The following FHIT variants were observed in gnomAD, a reference collection of about 807,000 sequenced individuals.
FHIT encodes fragile histidine triad diadenosine triphosphatase.
A neutral mutation model predicts 17.9 loss-of-function variants in FHIT; 19 were observed. That is an observed-to-expected ratio of 1.06 (90% CI 0.74 to 1.56). The LOEUF (loss-of-function observed/expected upper bound fraction) is 1.56, where lower values mean the gene tolerates loss of function less well. Among genes scored for constraint, FHIT ranks in the 40% most tolerant of loss-of-function variants. The pLI is 0.00. For synonymous variants in FHIT, 81 were observed against 69.7 expected (o/e 1.16, Z -0.81); for missense variants, 248 against 189.2 (o/e 1.31, Z -1.82).
At chr3:60,725,673 A>G (rs1292511717) in intron 4 of FHIT, among the ~76,000 whole-genome samples, 1 of 151,978 alleles carries the variant, frequency 6.6e-6, no homozygotes, top group East Asian at 1.9e-4. Flanking sequence ...CTTTTTTTCT[A>G]TTTTCAGAAT....
chr3:60,425,664 T>C (rs1443731804), intron 5 of FHIT, among the ~76,000 whole-genome samples: 2 of 152,136 alleles, frequency 1.3e-5, no homozygotes, highest in Non-Finnish European at 2.9e-5. Flanking sequence ...TGAAAAATTT[T>C]ATAAAGCAAG....
At chr3:61,176,230 T>C (rs866709198) in intron 2 of FHIT, among the ~76,000 whole-genome samples, 5 of 152,246 alleles carry the variant, frequency 3.3e-5, no homozygotes, top group East Asian at 1.9e-4. Flanking sequence ...ACAACTGATA[T>C]GCTTGGATCC....
intron 4 of FHIT, among the ~76,000 whole-genome samples, chr3:60,694,938 G>T (rs2041081069): frequency 6.6e-6 from 1 of 152,072 alleles, no homozygotes; most frequent in African/African-American, 2.4e-5. Flanking sequence ...GGGAGGGATA[G>T]CATTAGGAGA....
chr3:60,501,578 C>T lies in FHIT; in HGVS notation c.103+35282G>A, dbSNP rs549164292. Among the ~76,000 whole-genome samples the T allele has an allele frequency of 2.0e-5, 3 of 152,250 alleles. No homozygotes were observed. The East Asian group carries it at 5.8e-4, about 29-fold the overall frequency. Reference sequence around the variant, plus strand: ...GTGGCTGGCTTTTTGTTTTGAGTTCCACTTCCTGGCTCCTACGCTCAACTT... The same window carrying T: ...GTGGCTGGCTTTTTGTTTTGAGTTCTACTTCCTGGCTCCTACGCTCAACTT... On this transcript the variant is annotated intron_variant, in intron 5 of 9. Coordinates refer to ENST00000492590, the MANE Select transcript of FHIT (RefSeq NM_002012.4).
intron 4 of FHIT, among the ~76,000 whole-genome samples, chr3:60,711,068 G>A (rs1553704981): frequency 1.3e-5 from 2 of 152,124 alleles, no homozygotes; most frequent in African/African-American, 4.8e-5. Flanking sequence ...GTACTTCTCT[G>A]AGACAATACT....
chr3:60,396,291 G>A (rs879797610), intron 5 of FHIT, among the ~76,000 whole-genome samples: 10 of 152,244 alleles, frequency 6.6e-5, no homozygotes, highest in South Asian at 2.1e-4. Context: ...TATGTTCTCC[G>A]TCACTCACAT....
chr3:59,864,878 C>T (rs1702573011), intron 8 of FHIT, among the ~76,000 whole-genome samples: 1 of 151,784 alleles, frequency 6.6e-6, no homozygotes. Context: ...GAAGGGAGGC[C>T]TAATTCTTTC....
At chr3:61,205,136 A>C (rs557906493) in intron 1 of FHIT, among the ~76,000 whole-genome samples, 19 of 152,148 alleles carry the variant, frequency 1.2e-4, no homozygotes, top group Non-Finnish European at 2.2e-4. Context: ...CCATGTCCCT[A>C]CAAAGGACAT....
At chr3:59,887,507 C>G (rs1672844059) in intron 8 of FHIT, among the ~76,000 whole-genome samples, 1 of 152,146 alleles carries the variant, frequency 6.6e-6, no homozygotes, top group Non-Finnish European at 1.5e-5. Flanking sequence ...GTCATGCCAT[C>G]CTATTATAAT....
In FHIT at chr3:61,207,122, A is replaced by T. The variant is rs573559181; in HGVS notation, c.-212-6457T>A. Among the ~76,000 whole-genome samples the T allele has an allele frequency of 2.2e-4, 34 of 152,164 alleles. No individual in the cohort carries two copies. In the East Asian group the frequency reaches 3.7e-3, roughly 16 times the overall value. ...TTCTGTTTATATGCTGGATTACGTT[A>T]ATTGATTTGCATATGTTCAACCAGC... On this transcript the variant is annotated intron_variant, in intron 1 of 9. Transcript: ENST00000492590.
chr3:60,819,645 G>C, intron 4 of FHIT, among the ~76,000 whole-genome samples: 1 of 152,074 alleles, frequency 6.6e-6, no homozygotes, highest in East Asian at 1.9e-4. Flanking sequence ...CTGTATACCA[G>C]CCACCTTGCT....
chr3:60,204,447 T>G (rs1559725339), intron 5 of FHIT, among the ~76,000 whole-genome samples: 16 of 105,034 alleles, frequency 1.5e-4, no homozygotes, highest in Admixed American at 7.1e-4. Flanking sequence ...TATTCTGGTT[T>G]TTTTTTTTTT....
intron 1 of FHIT, among the ~76,000 whole-genome samples, chr3:61,241,611 A>C (rs993217993): frequency 6.6e-6 from 1 of 152,216 alleles, no homozygotes; most frequent in East Asian, 1.9e-4. Flanking sequence ...AACATTATCT[A>C]TGATGGTTTC....
At chr3:60,029,897 C>CTGTGTGTGTGTGTGTGTGTG (rs71089569) in intron 5 of FHIT, among the ~76,000 whole-genome samples, 1 of 127,822 alleles carries the variant, frequency 7.8e-6, no homozygotes, top group African/African-American at 3.3e-5. Context: ...GTGTGTGTGT[C>CTGTGTGTGTGTGTGTGTGTG]TGTGTGTGTG....
chr3:60,241,415 C>A (rs953430340), intron 5 of FHIT, among the ~76,000 whole-genome samples: 1 of 151,984 alleles, frequency 6.6e-6, no homozygotes, highest in African/African-American at 2.4e-5. Context: ...TAAGTACTGT[C>A]CCCTAATTTT....
At chr3:60,776,116 G>C (rs1700209975) in intron 4 of FHIT, among the ~76,000 whole-genome samples, 1 of 152,190 alleles carries the variant, frequency 6.6e-6, no homozygotes, top group South Asian at 2.1e-4. Context: ...AGTTTCGGTT[G>C]TGAAATCAAG....
chr3:60,010,380 C>A (rs544795531), intron 7 of FHIT, among the ~76,000 whole-genome samples: 2 of 152,180 alleles, frequency 1.3e-5, no homozygotes, highest in African/African-American at 4.8e-5. Context: ...GCAGTCCCTA[C>A]ATAAACTTTC....
At chr3:60,780,618 G>T (rs2108094235) in intron 4 of FHIT, among the ~76,000 whole-genome samples, 1 of 152,308 alleles carries the variant, frequency 6.6e-6, no homozygotes, top group South Asian at 2.1e-4. Flanking sequence ...GGCCCTTTCT[G>T]CTGTGAACCC....
intron 4 of FHIT, among the ~76,000 whole-genome samples, chr3:60,651,119 T>G (rs782113503): frequency 1.1e-4 from 16 of 152,130 alleles, no homozygotes; most frequent in Non-Finnish European, 1.9e-4. Flanking sequence ...ATTTTTTCTT[T>G]ATTTATGTCA....
Sources: allele counts gnomAD v4.1 joint callset (sites outside exome capture counted in the v4.1 genomes callset), GRCh38; gene constraint gnomAD v4.1.1; transcripts MANE v1.5; gene names NCBI Gene and HGNC (gene_info 2026-07-23, HGNC 2026-07-21).